ZNF30: variants seen among roughly 807,000 people sequenced by gnomAD.
The protein encoded by ZNF30 is zinc finger protein 30 (KOX 28).
Under a neutral mutation model 13.2 loss-of-function variants are expected in ZNF30, and 15 were observed. The observed-to-expected ratio is 1.13, with a 90% CI of 0.76 to 1.75. The LOEUF (loss-of-function observed/expected upper bound fraction) is 1.75. ZNF30 is among the 40% of genes most tolerant of loss of function. ZNF30 has a pLI of 0.00. For synonymous variants in ZNF30, 223 were observed against 256.6 expected (o/e 0.87, Z 1.25); for missense variants, 726 against 757.0 (o/e 0.96, Z 0.48).
In ZNF30 at chr19:34,933,722, A is replaced by G. The variant is rs1352989325; in HGVS notation, c.255A>G (p.Thr85=). The G allele has an allele frequency of 1.3e-6, 2 of 1,575,816 alleles. No individual in the cohort carries two copies. The highest frequency in any genetic ancestry group is 1.7e-6 in the Non-Finnish European group (2 of 1,158,888). Residue 85 remains threonine, a splice_region_variant and synonymous_variant, in exon 4 of 5, where the codon ACA becomes ACG. Transcript: ENST00000601142. ...GGAAAGATGGAAGAAGATGGTGCAC[A>G]GGTGAGTAAGAGCATGGCAGGTAGG... is the stretch of plus-strand genomic sequence containing the variant. ...TVRKDGRRWC[T]DLQLEDDTIG...
chr19:34,942,926 C>T (rs529341752), intron 4 of ZNF30, among the ~76,000 whole-genome samples: 1 of 152,208 alleles, frequency 6.6e-6, no homozygotes, highest in Non-Finnish European at 1.5e-5. Flanking sequence ...CCAGGAACTT[C>T]CCCTATGTCT....
At position 34,943,678 on chromosome 19, in the gene ZNF30, G is replaced by T. The variant is rs142299823; in HGVS notation, c.712G>T (p.Gly238Trp). Residue 238 changes from glycine (G) to tryptophan (W), a missense_variant, in exon 5 of 5, where the codon GGG becomes TGG. Gly to Trp is a radical substitution (Grantham distance 184). Coordinates refer to ENST00000601142, the MANE Select transcript of ZNF30 (RefSeq NM_194325.3). The part of the protein sequence containing the change: ...GKKPYECGEC[G>W]KAFLVYGKLT... ...GAAACCATATGAGTGCGGGGAATGT[G>T]GGAAAGCTTTTCTAGTATATGGAAA... 33,299 of 1,613,428 alleles carry T rather than the reference G, an allele frequency of 0.021. 432 individuals carry two copies. The highest frequency in any genetic ancestry group is 0.041 in the Middle Eastern group (246 of 6,060).
intron 3 of ZNF30, 44 bp downstream of exon 3, chr19:34,932,037 A>T: frequency 6.6e-6 from 10 of 1,504,866 alleles, no homozygotes; most frequent in Non-Finnish European, 8.9e-6. Flanking sequence ...GCTCCCTGTT[A>T]TACTTTCTCC....
chr19:34,943,208 A>C lies in ZNF30; in HGVS notation c.257-15A>C, dbSNP rs1356059163. On this transcript the variant is annotated splice_polypyrimidine_tract_variant and intron_variant, in intron 4 of 4. Transcript: ENST00000601142. ...TCAAATAGAAAAATAAGATATTTTT[A>C]AAATTTTCTTTCAGATTTGCAGTTG... 1 of 1,438,152 alleles carries C rather than the reference A, an allele frequency of 7.0e-7. No homozygotes were observed. Among genetic ancestry groups the C allele is most frequent in the Non-Finnish European group, 9.1e-7 (1 of 1,093,334 alleles). The allele number at this position is 1,438,152 out of a possible 1,614,324, so 89.1% of individuals were successfully genotyped here. A position where few individuals can be genotyped will look rare whatever the true frequency, so the allele number is the denominator to read the frequency against.
chr19:34,926,484 T>C (rs2012078050), upstream of ZNF30, among the ~76,000 whole-genome samples: 1 of 152,194 alleles, frequency 6.6e-6, no homozygotes, highest in South Asian at 2.1e-4. Context: ...AATTTAAATA[T>C]TTAATAGAAA....
chr19:34,932,013 A>C lies in ZNF30; in HGVS notation c.160+20A>C. 6.5e-7 allele frequency: 1 copy of C among 1,548,798 alleles called. No homozygotes were observed. The highest frequency in any genetic ancestry group is 1.3e-5 in the South Asian group (1 of 79,732). On this transcript the variant is annotated intron_variant, in intron 3 of 4. Transcript: ENST00000601142. ...CAATGGGTAAGTGTACTTCTCTCAA[A>C]TAATTGAGAATCTGCTCCCTGTTAT...
chr19:34,941,992 T>C (rs1418134405), intron 4 of ZNF30, among the ~76,000 whole-genome samples: 1 of 152,236 alleles, frequency 6.6e-6, no homozygotes, highest in South Asian at 2.1e-4. Flanking sequence ...TCCTTGTGAC[T>C]AAACAATAAT....
chr19:34,944,206 T>G lies in ZNF30; in HGVS notation c.1240T>G (p.Tyr414Asp), dbSNP rs933999675. 17 of 1,613,832 alleles carry G rather than the reference T, an allele frequency of 1.1e-5. No individual in the cohort carries two copies. The highest frequency in any genetic ancestry group is 1.4e-5 in the Non-Finnish European group (17 of 1,179,940). ...ECGKAFSTGS[Y>D]LVQHQRIHTG... ...TGGCAAGGCCTTTAGTACTGGCTCA[T>G]ACCTTGTTCAGCATCAGAGGATCCA... is the stretch of plus-strand genomic sequence containing the variant. Residue 414 changes from tyrosine (Y) to aspartate (D), a missense_variant, in exon 5 of 5, where the codon TAC becomes GAC. Tyr to Asp is a radical substitution (Grantham distance 160). Transcript: ENST00000601142.
chr19:34,939,015 G>A (rs2151671805), intron 4 of ZNF30, among the ~76,000 whole-genome samples: 1 of 152,214 alleles, frequency 6.6e-6, no homozygotes, highest in African/African-American at 2.4e-5. Context: ...CAGAAGACGT[G>A]CCATTTAAAA....
intron 1 of ZNF30, among the ~76,000 whole-genome samples, chr19:34,928,220 A>AAAAAAT (rs1555778254): frequency 5.3e-4 from 39 of 73,390 alleles, no homozygotes; most frequent in South Asian, 2.0e-3. Flanking sequence ...AAAAAAAAAA[A>AAAAAAT]ATATATATAT....
rs548213341 is a variant in ZNF30, at chr19:34,933,416, C to T, written c.161-212C>T. Among the ~76,000 whole-genome samples, 432 of 152,216 alleles carry T rather than the reference C, an allele frequency of 2.8e-3. 3 individuals are homozygous for T. Among genetic ancestry groups the T allele is most frequent in the African/African-American group, 9.2e-3 (383 of 41,538 alleles). The stretch of plus-strand genomic sequence containing the variant: ...TGCAGTGAGCTGAGATCGCACACTG[C>T]ACTGCAGCCTGGCGACAGAGTGAGA... On this transcript the variant is annotated intron_variant, in intron 3 of 4. Transcript: ENST00000601142.
chr19:34,934,392 T>A (rs1304939614), intron 4 of ZNF30, among the ~76,000 whole-genome samples: 2 of 151,976 alleles, frequency 1.3e-5, no homozygotes, highest in African/African-American at 4.8e-5. Context: ...GCCTCCTGAG[T>A]AGCTGGGACT....
chr19:34,929,073 G>A (rs2012293192), intron 1 of ZNF30, among the ~76,000 whole-genome samples: 1 of 152,136 alleles, frequency 6.6e-6, no homozygotes, highest in African/African-American at 2.4e-5. Context: ...ACGAAGTCAG[G>A]AGATGGAGAC....
At chr19:34,930,853 A>G (rs2012409129) in intron 2 of ZNF30, among the ~76,000 whole-genome samples, 1 of 152,066 alleles carries the variant, frequency 6.6e-6, no homozygotes, top group African/African-American at 2.4e-5. Flanking sequence ...ACACAGTGAG[A>G]CTGTGTCTCA....
chr19:34,940,431 G>A lies in ZNF30; in HGVS notation c.257-2792G>A, dbSNP rs1340716192. ...ACCTGTAATCCCAGCACCTTGGGAGGTCGAGACAGGCAGATCACCTGAGGT... is the reference window on the plus strand; with the variant it reads ...ACCTGTAATCCCAGCACCTTGGGAGATCGAGACAGGCAGATCACCTGAGGT... On this transcript the variant is annotated intron_variant, in intron 4 of 4. Transcript: ENST00000601142. 2.0e-5 allele frequency among the ~76,000 whole-genome samples: 3 copies of A among 152,126 alleles called. No homozygotes were observed. In the East Asian group the frequency reaches 5.8e-4, roughly 29 times the overall value.
intron 1 of ZNF30, 27 bp from the exon 2 acceptor site, chr19:34,929,857 T>A: frequency 8.1e-7 from 1 of 1,232,524 alleles, no homozygotes; most frequent in Non-Finnish European, 1.1e-6. Context: ...CACTAAAGCC[T>A]CCTTTTCTCC....
chr19:34,931,736 C>A, intron 2 of ZNF30, 107 bp from the exon 3 acceptor site: 2 of 1,173,754 alleles, frequency 1.7e-6, no homozygotes, highest in South Asian at 1.5e-5. Flanking sequence ...CTTGCCACAT[C>A]ATAAGCTTCC....
chr19:34,927,303 G>A lies in ZNF30; in HGVS notation c.-65+87G>A, dbSNP rs532890336. 14 of 331,318 alleles carry A rather than the reference G, an allele frequency of 4.2e-5. No individual in the cohort carries two copies. The South Asian group carries it at 2.0e-3, about 48-fold the overall frequency. The allele number at this position is 331,318 out of a possible 1,614,324, so 20.5% of individuals were successfully genotyped here. ...GGAGGGTGCGTCGGCCGGGGCCGGT[G>A]TGCATCCGCGAAGACTGGGTGCATG... On this transcript the variant is annotated intron_variant, in intron 1 of 4. Transcript: ENST00000601142.
intron 4 of ZNF30, 150 bp from the exon 5 acceptor site, chr19:34,943,073 A>G (rs536639110): frequency 5.2e-5 from 30 of 571,862 alleles, no homozygotes; most frequent in African/African-American, 4.2e-5. Context: ...TAATCTCTGC[A>G]TTCCTTTTTT....
Sources: allele counts gnomAD v4.1 joint callset (sites outside exome capture counted in the v4.1 genomes callset), GRCh38; gene constraint gnomAD v4.1.1; transcripts MANE v1.5; gene names NCBI Gene and HGNC (gene_info 2026-07-23, HGNC 2026-07-21).